DGKD: variants seen among roughly 807,000 people sequenced by gnomAD.
DGKD encodes diacylglycerol kinase delta.
In DGKD, 68 loss-of-function variants were observed where a neutral mutation model predicts 154.4. The observed-to-expected ratio is 0.44, with a 90% CI of 0.36 to 0.54. The LOEUF (loss-of-function observed/expected upper bound fraction) is 0.54, where lower values mean the gene tolerates loss of function less well. DGKD is among the 20% of genes least tolerant of loss of function. The pLI, the probability that DGKD is intolerant of heterozygous loss-of-function variation, is 0.00. For missense variants in DGKD, 1,343 were observed against 1,593.6 expected, an observed-to-expected ratio of 0.84 and a Z score of 2.68; for synonymous variants, 693 against 638.0, an observed-to-expected ratio of 1.09 and a Z score of -1.30.
At chr2:233,381,772 C>T (rs542105009) in intron 1 of DGKD, among the ~76,000 whole-genome samples, 2 of 152,330 alleles carry the variant, frequency 1.3e-5, no homozygotes, top group African/African-American at 4.8e-5. Context: ...CCTGGGATTT[C>T]TTTTGTGACC....
rs752988367 is a variant in DGKD at position 233,448,149 on chromosome 2, G to A, written c.1482G>A (p.Ser494=). 1.2e-5 allele frequency: 20 copies of A among 1,614,090 alleles called. No individual in the cohort carries two copies. The highest frequency in any genetic ancestry group is 6.7e-5 in the East Asian group (3 of 44,872). Residue 494 remains serine, a synonymous_variant, in exon 13 of 30, where the codon TCG becomes TCA. Transcript: ENST00000264057. ...VAAHLSKILT[S]DQHSVVISSA... ...CCCACCTTTCTAAAATCCTCACCTC[G>A]GACCAGCACTCGGTGGTCATCTCCT...
intron 3 of DGKD, among the ~76,000 whole-genome samples, chr2:233,433,790 GA>G (rs1040291640): frequency 1.3e-5 from 2 of 152,146 alleles, no homozygotes; most frequent in Non-Finnish European, 2.9e-5. Context: ...ATATCAGGAA[GA>G]TTTTTTTTCT....
Position 233,354,496 on chromosome 2 carries a change from G to A in DGKD, c.-23G>A, listed in dbSNP as rs1701442869. 1.0e-6 allele frequency: 1 copy of A among 973,258 alleles called. No individual in the cohort carries two copies. The highest frequency in any genetic ancestry group is 1.2e-6 in the Non-Finnish European group (1 of 822,852). 60.3% of individuals were successfully genotyped at this position (973,258 alleles called of 1,614,324 possible). A position where few individuals can be genotyped will look rare whatever the true frequency, so the allele number is the denominator to read the frequency against. ...CCGGCCCCGCCCCGCCCCCGCCCGC[G>A]GTGCGCGCGCTGGCCCGGCAGCATG... On this transcript the variant is annotated 5_prime_UTR_variant, in exon 1 of 30. Transcript: ENST00000264057. This position sits in a 1 kb window ranked among gnomAD's most constrained non-coding sequence, Gnocchi z 4.8.
At position 233,459,762 on chromosome 2, in the gene DGKD, C is replaced by T; in HGVS notation, c.2700C>T (p.Arg900=). 6.2e-7 allele frequency: 1 copy of T among 1,613,768 alleles called. No homozygotes were observed. Among genetic ancestry groups the T allele is most frequent in the Non-Finnish European group, 8.5e-7 (1 of 1,179,864 alleles). ...TGGCTATGATGTCTGCTCAGTGTCG[C>T]ACGGTGAAGATCTCCATCCTTGGGG... ...RLQHHRIAQC[R]TVKISILGDE... is the part of the protein sequence containing the mutation. The change falls in exon 23 of 30, where the codon CGC becomes CGT. Residue 900 remains arginine (R), a synonymous_variant. Coordinates refer to ENST00000264057, the MANE Select transcript of DGKD (RefSeq NM_152879.3). The surrounding 1 kb of genome is among the most constrained non-coding windows in gnomAD (Gnocchi z 5.7).
At chr2:233,406,595 A>G (rs56836072) in intron 3 of DGKD, among the ~76,000 whole-genome samples, 2,404 of 152,328 alleles carry the variant, frequency 0.016, 65 homozygotes, top group African/African-American at 0.055. Context: ...ACCAGGATTC[A>G]TGGCCCCCTC....
In DGKD at chr2:233,384,404, C is replaced by T. The variant is rs193041217; in HGVS notation, c.157-3853C>T. Among the ~76,000 whole-genome samples the T allele has an allele frequency of 2.4e-3, 364 of 152,236 alleles. 2 individuals carry two copies. The highest frequency in any genetic ancestry group is 7.6e-3 in the African/African-American group (315 of 41,546). On this transcript the variant is annotated intron_variant, in intron 1 of 29. Coordinates refer to ENST00000264057, the MANE Select transcript of DGKD (RefSeq NM_152879.3). ...CTGGGTTCCCATTTCCCTGGGCCTC[C>T]GTGTACTCCATGCTTTCTCCTTTGG...
intron 2 of DGKD, among the ~76,000 whole-genome samples, chr2:233,389,272 AT>A (rs750163458): frequency 3.9e-5 from 6 of 152,214 alleles, no homozygotes; most frequent in African/African-American, 7.2e-5. Flanking sequence ...TTGTAGGTAG[AT>A]TTAAAGCTAG....
At chr2:233,368,132 A>C (rs998152085) in intron 1 of DGKD, among the ~76,000 whole-genome samples, 7 of 152,210 alleles carry the variant, frequency 4.6e-5, no homozygotes. Flanking sequence ...CAATTTTATT[A>C]TAAGAGTTTT....
chr2:233,380,454 A>C (rs1702830134), intron 1 of DGKD, among the ~76,000 whole-genome samples: 1 of 152,074 alleles, frequency 6.6e-6, no homozygotes, highest in Non-Finnish European at 1.5e-5. Context: ...TGCAGCACTA[A>C]ATGTTGTATG....
intron 3 of DGKD, among the ~76,000 whole-genome samples, chr2:233,402,639 G>A (rs2061588638): frequency 6.6e-6 from 1 of 152,184 alleles, no homozygotes; most frequent in African/African-American, 2.4e-5. Flanking sequence ...CAATTTCCCA[G>A]CTCATGTCCG....
In DGKD at chr2:233,457,240, C is replaced by T. The variant is rs758391918; in HGVS notation, c.2492C>T (p.Pro831Leu). The T allele has an allele frequency of 6.6e-7, 1 of 1,519,628 alleles. No homozygotes were observed. The highest frequency in any genetic ancestry group is 8.8e-7 in the Non-Finnish European group (1 of 1,134,512). 94.1% of individuals were successfully genotyped at this position (1,519,628 alleles called of 1,614,324 possible). A position where few individuals can be genotyped will look rare whatever the true frequency, so the allele number is the denominator to read the frequency against. ...VLLECDGRPI[P>L]LPSLQGIAVL... ...GCTCAGTGTGACGGGCGACCCATCC[C>T]ACTCCCCAGTCTTCAGGGAATTGCT... The change falls in exon 21 of 30, where the codon CCA (proline) becomes CTA (leucine). Residue 831 changes from proline (P) to leucine (L), a missense_variant. Physicochemically the swap from Pro to Leu is moderately conservative, Grantham distance 98. Around this residue, in one of 6 missense-constraint regions of DGKD, gnomAD observed 60 missense variants for 112.4 expected, o/e 0.53. Transcript: ENST00000264057. This position sits in a 1 kb window ranked among gnomAD's most constrained non-coding sequence, Gnocchi z 5.5.
At chr2:233,409,674 C>T (rs941126392) in intron 3 of DGKD, among the ~76,000 whole-genome samples, 1 of 151,824 alleles carries the variant, frequency 6.6e-6, no homozygotes, top group Non-Finnish European at 1.5e-5. Context: ...AGATAATTTC[C>T]TGCTCTGTGG....
chr2:233,427,364 A>G lies in DGKD; in HGVS notation c.349-7016A>G, dbSNP rs1376302392. Among the ~76,000 whole-genome samples, 12 of 122,560 alleles carry G rather than the reference A, an allele frequency of 9.8e-5. No individual in the cohort carries two copies. The Admixed American group carries it at 1.1e-3, about 11-fold the overall frequency. 80.4% of individuals were successfully genotyped at this position (122,560 alleles called of 152,430 possible). On this transcript the variant is annotated intron_variant, in intron 3 of 29. Transcript: ENST00000264057. ...TTTTTTTTTTTTTTTTTTTTGAGAC[A>G]GGGTCTCACTCTGTCACCCAGGCTG...
chr2:233,468,622 C>A, intron 29 of DGKD, 69 bp downstream of exon 29: 1 of 1,594,296 alleles, frequency 6.3e-7, no homozygotes, highest in Non-Finnish European at 8.5e-7. Flanking sequence ...CTTCCATCCT[C>A]TCCCCCGACC....
At chr2:233,385,579 C>T (rs569771991) in intron 1 of DGKD, among the ~76,000 whole-genome samples, 1 of 152,162 alleles carries the variant, frequency 6.6e-6, no homozygotes, top group African/African-American at 2.4e-5. Context: ...ATGGCCCGAG[C>T]GAACTGTGCA....
chr2:233,387,463 G>T (rs1417677522), intron 1 of DGKD, among the ~76,000 whole-genome samples: 1 of 152,152 alleles, frequency 6.6e-6, no homozygotes, highest in African/African-American at 2.4e-5. Context: ...CTCCGAGTAC[G>T]TCAAAACATC....
chr2:233,426,553 G>T (rs2062307653), intron 3 of DGKD, among the ~76,000 whole-genome samples: 1 of 152,158 alleles, frequency 6.6e-6, no homozygotes, highest in Non-Finnish European at 1.5e-5. Flanking sequence ...TAATGCATAA[G>T]GAAATTACAC....
intron 3 of DGKD, among the ~76,000 whole-genome samples, chr2:233,417,551 A>G (rs534246936): frequency 4.5e-4 from 69 of 152,058 alleles, no homozygotes; most frequent in Non-Finnish European, 9.3e-4. Flanking sequence ...GTTTTTAGGA[A>G]CTCAAAAATT....
intron 3 of DGKD, among the ~76,000 whole-genome samples, chr2:233,403,372 C>T (rs1406858806): frequency 6.6e-6 from 1 of 151,870 alleles, no homozygotes; most frequent in Non-Finnish European, 1.5e-5. Context: ...CCAGCCTAGC[C>T]AACATGGTGA....
Sources: gnomAD v4.1 joint callset for allele counts (sites outside exome capture counted in the v4.1 genomes callset) on GRCh38, gnomAD v4.1.1 for gene constraint, gnomAD v4.1.1 regional missense constraint, Gnocchi (gnomAD v3.1) non-coding constraint, MANE v1.5 for transcripts, NCBI Gene and HGNC (gene_info 2026-07-23, HGNC 2026-07-21) for gene names.